PRSS38: variants seen among roughly 807,000 people sequenced by gnomAD.
PRSS38 encodes serine protease 38.
PRSS38 carries 22 observed loss-of-function variants against 26.8 expected under a neutral mutation model. The observed-to-expected ratio is 0.82, with a 90% CI of 0.59 to 1.17. The LOEUF (loss-of-function observed/expected upper bound fraction) is 1.17. PRSS38 is among the 50% of genes most tolerant of loss of function. The pLI is 0.00. For missense variants in PRSS38, 427 were observed against 422.7 expected (o/e 1.01, Z -0.09); for synonymous variants, 175 against 172.1 (o/e 1.02, Z -0.13).
At chr1:227,828,626 C>T (rs79550478) in intron 3 of PRSS38, among the ~76,000 whole-genome samples, 4,314 of 152,242 alleles carry the variant, frequency 0.028, 83 homozygotes, top group East Asian at 0.062. Context: ...TCCAGCCTGC[C>T]GGCTCTGGAG....
At chr1:227,823,670 C>G (rs1558233294) in intron 3 of PRSS38, among the ~76,000 whole-genome samples, 1 of 152,172 alleles carries the variant, frequency 6.6e-6, no homozygotes, top group Non-Finnish European at 1.5e-5. Flanking sequence ...CCTAACATCT[C>G]TCTTACTTCC....
At chr1:227,817,418 C>T (rs1664939487) in exon 3 of PRSS38, 1 of 1,614,178 alleles carries the variant, frequency 6.2e-7, no homozygotes, top group African/African-American at 1.3e-5. Context: ...CTTGCAACTC[C>T]AGAAGTGAAC....
intron 3 of PRSS38, among the ~76,000 whole-genome samples, chr1:227,826,519 G>C (rs954714695): frequency 1.3e-5 from 2 of 152,156 alleles, no homozygotes; most frequent in Non-Finnish European, 2.9e-5. Flanking sequence ...TTCGAGAGCA[G>C]CCTGGCCCAA....
chr1:227,831,881 G>A (rs1373813505), intron 3 of PRSS38, among the ~76,000 whole-genome samples: 1 of 152,074 alleles, frequency 6.6e-6, no homozygotes, highest in Non-Finnish European at 1.5e-5. Flanking sequence ...AAAGAAAAAA[G>A]CAGTTATTTA....
At chr1:227,839,705 G>A (rs911097534) in intron 3 of PRSS38, among the ~76,000 whole-genome samples, 1 of 152,038 alleles carries the variant, frequency 6.6e-6, no homozygotes, top group Non-Finnish European at 1.5e-5. Context: ...TGACATCCTC[G>A]ATGTGCCACC....
intron 3 of PRSS38, among the ~76,000 whole-genome samples, chr1:227,830,636 CG>C (rs747863214): frequency 6.0e-5 from 9 of 150,928 alleles, no homozygotes; most frequent in Non-Finnish European, 1.0e-4. Context: ...GGATTACAGG[CG>C]CCCACCACCA....
chr1:227,818,373 T>C (rs1019701037), intron 3 of PRSS38, among the ~76,000 whole-genome samples: 1 of 152,164 alleles, frequency 6.6e-6, no homozygotes, highest in African/African-American at 2.4e-5. Context: ...TTTTAATCTA[T>C]TGATGCCAAG....
At chr1:227,846,376 A>T in exon 5 of PRSS38, 1 of 865,476 alleles carries the variant, frequency 1.2e-6, no homozygotes, top group Non-Finnish European at 1.7e-6. Flanking sequence ...GTACAAAAGA[A>T]AAAAGGGAAG....
At chr1:227,821,595 ATGT>A (rs1241952388) in intron 3 of PRSS38, among the ~76,000 whole-genome samples, 1 of 152,060 alleles carries the variant, frequency 6.6e-6, no homozygotes, top group Non-Finnish European at 1.5e-5. Flanking sequence ...CTGAAGGACG[ATGT>A]TGTCAGATAT....
chr1:227,830,757 G>A (rs922817587), intron 3 of PRSS38, among the ~76,000 whole-genome samples: 1 of 151,620 alleles, frequency 6.6e-6, no homozygotes, highest in Non-Finnish European at 1.5e-5. Flanking sequence ...TGCCCACCTC[G>A]GCCCCCCAAA....
rs1664923605 is a variant in PRSS38, at chr1:227,816,684, C to G, written c.311+432C>G. Among the ~76,000 whole-genome samples, 1 of 151,930 alleles carries G rather than the reference C, an allele frequency of 6.6e-6. No individual in the cohort carries two copies. Among genetic ancestry groups the G allele is most frequent in the African/African-American group, 2.4e-5 (1 of 41,332 alleles). On this transcript the variant is annotated intron_variant, in intron 2 of 4. Coordinates refer to ENST00000366757, the Ensembl canonical transcript of PRSS38. The surrounding 1 kb of genome is among the most constrained non-coding windows in gnomAD (Gnocchi z 5.1). Reference sequence around the variant, plus strand: ...CACAGCCAGATTCCCACAAGTGAGGCTGGTCCTCAAGGGCACAGCCAGATT... The same window carrying G: ...CACAGCCAGATTCCCACAAGTGAGGGTGGTCCTCAAGGGCACAGCCAGATT...
chr1:227,817,567 C>A, intron 3 of PRSS38, 87 bp downstream of exon 3: 2 of 1,415,612 alleles, frequency 1.4e-6, no homozygotes, highest in Non-Finnish European at 1.9e-6. Context: ...CTAAGGGGGT[C>A]CAGGTGTTTG....
chr1:227,841,235 G>A (rs1665333573), intron 3 of PRSS38, among the ~76,000 whole-genome samples: 1 of 152,246 alleles, frequency 6.6e-6, no homozygotes, highest in African/African-American at 2.4e-5. Flanking sequence ...TCTGCCCCAT[G>A]CAACTGTCTC....
chr1:227,820,219 T>C (rs1337179274), intron 3 of PRSS38, among the ~76,000 whole-genome samples: 1 of 151,864 alleles, frequency 6.6e-6, no homozygotes, highest in African/African-American at 2.4e-5. Flanking sequence ...TTAATTGGGA[T>C]TTTCTATGTA....
At chr1:227,817,124 A>G in intron 2 of PRSS38, 85 bp from the exon 3 acceptor site, 1 of 1,410,334 alleles carries the variant, frequency 7.1e-7, no homozygotes. Flanking sequence ...AGTGAGTGCC[A>G]GCCCCTTGCG....
intron 3 of PRSS38, among the ~76,000 whole-genome samples, chr1:227,820,653 C>A (rs1402890846): frequency 6.6e-6 from 1 of 152,090 alleles, no homozygotes; most frequent in East Asian, 1.9e-4. Flanking sequence ...GTTTTTACAT[C>A]TATATTCTTA....
exon 5 of PRSS38, chr1:227,846,117 C>T: frequency 6.2e-7 from 1 of 1,614,150 alleles, no homozygotes; most frequent in Non-Finnish European, 8.5e-7. Context: ...ATCACGCCCA[C>T]TCCTGCTCAG....
At chr1:227,823,530 G>A (rs1665030952) in intron 3 of PRSS38, among the ~76,000 whole-genome samples, 1 of 152,112 alleles carries the variant, frequency 6.6e-6, no homozygotes, top group African/African-American at 2.4e-5. Flanking sequence ...CAGTGTTTGA[G>A]GTGGGGCCAG....
At chr1:227,824,494 T>G (rs190056355) in intron 3 of PRSS38, among the ~76,000 whole-genome samples, 6 of 152,210 alleles carry the variant, frequency 3.9e-5, no homozygotes, top group Admixed American at 6.5e-5. Context: ...CTTGATTCCA[T>G]GTCTTTGCTA....
Sources: allele counts gnomAD v4.1 joint callset (sites outside exome capture counted in the v4.1 genomes callset), GRCh38; gene constraint gnomAD v4.1.1; non-coding constraint Gnocchi (gnomAD v3.1); transcripts MANE v1.5; gene names NCBI Gene and HGNC (gene_info 2026-07-23, HGNC 2026-07-21).